NLGN1: variants seen among roughly 807,000 people sequenced by gnomAD.
NLGN1 encodes the protein neuroligin-1.
A neutral mutation model predicts 65.5 loss-of-function variants in NLGN1; 12 were observed. The observed-to-expected ratio is 0.18, with a 90% CI of 0.12 to 0.30. NLGN1 has a LOEUF of 0.30. Ranked by LOEUF, NLGN1 falls within the 10% of genes least tolerant of loss-of-function variation. The probability of loss-of-function intolerance (pLI) is 1.00; values close to 1 mark genes in which losing one functional copy is unlikely to be tolerated. For synonymous variants in NLGN1, 350 were observed against 359.5 expected (o/e 0.97, Z 0.30); for missense variants, 750 against 1,007.1 (o/e 0.74, Z 3.46).
intron 4 of NLGN1, among the ~76,000 whole-genome samples, chr3:173,977,389 C>T (rs1209549301): frequency 6.6e-6 from 1 of 151,646 alleles, no homozygotes; most frequent in Non-Finnish European, 1.5e-5. Flanking sequence ...GAAGGACAGA[C>T]AAAAGACAAG....
intron 4 of NLGN1, among the ~76,000 whole-genome samples, chr3:173,950,545 G>A (rs1747993616): frequency 6.6e-6 from 1 of 152,130 alleles, no homozygotes; most frequent in African/African-American, 2.4e-5. Context: ...GGGTGTGGTG[G>A]CTCATGCCTG....
At chr3:173,521,867 C>G (rs1400337623) in intron 2 of NLGN1, among the ~76,000 whole-genome samples, 2 of 152,166 alleles carry the variant, frequency 1.3e-5, no homozygotes, top group Non-Finnish European at 2.9e-5. Context: ...AAATTTTAAA[C>G]ATGTTTTATT....
rs1439338153 is a variant in NLGN1 at position 173,494,838 on chromosome 3, A to C, written c.-321+59760A>C. On this transcript the variant is annotated intron_variant, in intron 2 of 6. Transcript: ENST00000457714. ...TTGTCAAATATCTAATGAATAAATAATTGGGGATTTATTTCTGATGTTGAT... is the reference window on the plus strand; with the variant it reads ...TTGTCAAATATCTAATGAATAAATACTTGGGGATTTATTTCTGATGTTGAT... 3.3e-5 allele frequency among the ~76,000 whole-genome samples: 5 copies of C among 151,724 alleles called. No homozygotes were observed. In the East Asian group the frequency reaches 9.6e-4, roughly 29 times the overall value.
intron 4 of NLGN1, among the ~76,000 whole-genome samples, chr3:174,201,644 C>T (rs115553138): frequency 3.9e-4 from 60 of 152,270 alleles, no homozygotes; most frequent in African/African-American, 1.4e-3. Flanking sequence ...GTCAGAAAAT[C>T]CTCAAGTTCA....
intron 4 of NLGN1, among the ~76,000 whole-genome samples, chr3:174,108,196 A>T (rs1714387364): frequency 6.6e-6 from 1 of 151,982 alleles, no homozygotes; most frequent in Admixed American, 6.6e-5. Context: ...CTTTAGTAGT[A>T]TGTCTAAGAA....
intron 2 of NLGN1, among the ~76,000 whole-genome samples, chr3:173,529,062 A>T (rs2149172520): frequency 6.6e-6 from 1 of 152,274 alleles, no homozygotes; most frequent in East Asian, 1.9e-4. Flanking sequence ...AGGGAAGCTG[A>T]CACTTCTTGC....
At chr3:174,076,716 AGAGAGAGAGTGTGTGTGTGT>A (rs1196823191) in intron 4 of NLGN1, among the ~76,000 whole-genome samples, 6 of 130,394 alleles carry the variant, frequency 4.6e-5, no homozygotes, top group African/African-American at 2.0e-4. Context: ...AGAGAGAGAG[AGAGAGAGAGTGTGTGTGTGT>A]GTGTGTGTGT....
intron 2 of NLGN1, among the ~76,000 whole-genome samples, chr3:173,548,728 C>T (rs940408012): frequency 4.6e-5 from 7 of 151,724 alleles, no homozygotes; most frequent in Non-Finnish European, 5.9e-5. Context: ...AACACAAACA[C>T]GCTAACACGT....
chr3:174,272,738 A>G (rs1472692120), intron 4 of NLGN1, among the ~76,000 whole-genome samples: 1 of 151,734 alleles, frequency 6.6e-6, no homozygotes, highest in East Asian at 1.9e-4. Flanking sequence ...GATAGATGAT[A>G]GATAACATAC....
At chr3:174,191,015 G>T (rs560626992) in intron 4 of NLGN1, among the ~76,000 whole-genome samples, 2 of 152,128 alleles carry the variant, frequency 1.3e-5, no homozygotes, top group East Asian at 1.9e-4. Context: ...GTGTGTGTGT[G>T]TGCGTGTAAC....
At chr3:173,612,822 T>C (rs1752513511) in intron 3 of NLGN1, among the ~76,000 whole-genome samples, 1 of 152,084 alleles carries the variant, frequency 6.6e-6, no homozygotes, top group Non-Finnish European at 1.5e-5. Context: ...CACATGGGCA[T>C]GGTTGGTTCT....
At chr3:173,468,124 C>T (rs942875179) in intron 2 of NLGN1, among the ~76,000 whole-genome samples, 3 of 152,012 alleles carry the variant, frequency 2.0e-5, no homozygotes, top group Non-Finnish European at 1.5e-5. Flanking sequence ...TTAAGAGCCG[C>T]GGGCTGTGCT....
chr3:174,281,112 G>T (rs1220072221), exon 7 of NLGN1: 1 of 1,613,344 alleles, frequency 6.2e-7, no homozygotes, highest in Non-Finnish European at 8.5e-7. Flanking sequence ...CTGTCCCCCA[G>T]ATTACACACT....
intron 4 of NLGN1, among the ~76,000 whole-genome samples, chr3:173,917,534 A>G (rs1048690745): frequency 6.6e-6 from 1 of 152,200 alleles, no homozygotes; most frequent in African/African-American, 2.4e-5. Context: ...CAGAACTTAG[A>G]TTGAATACAA....
chr3:173,793,068 G>A (rs1222682648), intron 3 of NLGN1, among the ~76,000 whole-genome samples: 1 of 152,096 alleles, frequency 6.6e-6, no homozygotes, highest in Non-Finnish European at 1.5e-5. Flanking sequence ...TTGAATGTGT[G>A]CACATTTTAG....
chr3:173,731,126 C>G (rs1166033550), intron 3 of NLGN1, among the ~76,000 whole-genome samples: 1 of 151,876 alleles, frequency 6.6e-6, no homozygotes, highest in Non-Finnish European at 1.5e-5. Context: ...TTCTCTTTTT[C>G]TAGGGAAAAA....
intron 4 of NLGN1, among the ~76,000 whole-genome samples, chr3:174,173,622 A>G (rs186006832): frequency 6.6e-6 from 1 of 151,988 alleles, no homozygotes; most frequent in East Asian, 1.9e-4. Flanking sequence ...TATCACATTG[A>G]TTGATTTACA....
At chr3:173,740,308 A>G (rs1223800607) in intron 3 of NLGN1, among the ~76,000 whole-genome samples, 1 of 152,140 alleles carries the variant, frequency 6.6e-6, no homozygotes, top group Non-Finnish European at 1.5e-5. Flanking sequence ...AAGTCAAATC[A>G]TACATTAGGG....
rs545164747 is a variant in NLGN1 at position 173,981,492 on chromosome 3, C to A, written c.646+173660C>A. On this transcript the variant is annotated intron_variant, in intron 4 of 6. Transcript: ENST00000457714. Reference sequence around the variant, plus strand: ...GCTCACAGGTATCACTGATGTAACACGTAACTCCAACTATTTCTATATTAC... The same window carrying A: ...GCTCACAGGTATCACTGATGTAACAAGTAACTCCAACTATTTCTATATTAC... 5.3e-5 allele frequency among the ~76,000 whole-genome samples: 8 copies of A among 152,204 alleles called. No homozygotes were observed. In the South Asian group the frequency reaches 1.7e-3, roughly 32 times the overall value.
Sources: allele counts gnomAD v4.1 joint callset (sites outside exome capture counted in the v4.1 genomes callset), GRCh38; gene constraint gnomAD v4.1.1; transcripts MANE v1.5; gene names NCBI Gene and HGNC (gene_info 2026-07-23, HGNC 2026-07-21).